MEOX2: variants seen among roughly 807,000 people sequenced by gnomAD.
MEOX2 encodes homeobox protein MOX-2.
In MEOX2, 11 loss-of-function variants were observed where a neutral mutation model predicts 27.0. The observed-to-expected ratio is 0.41, with a 90% CI of 0.26 to 0.68. The LOEUF (loss-of-function observed/expected upper bound fraction) is 0.68, where lower values mean the gene tolerates loss of function less well. Among genes scored for constraint, MEOX2 ranks in the 30% least tolerant of loss-of-function variants. MEOX2 has a pLI of 0.33. For missense variants in MEOX2, 436 were observed against 385.4 expected (o/e 1.13, Z -1.10); for synonymous variants, 189 against 155.4 (o/e 1.22, Z -1.61).
At chr7:15,645,740 T>C (rs1457584835) in intron 1 of MEOX2, among the ~76,000 whole-genome samples, 1 of 152,128 alleles carries the variant, frequency 6.6e-6, no homozygotes, top group Non-Finnish European at 1.5e-5. Context: ...ACAATGAAAG[T>C]AAAATATGCA....
chr7:15,615,152 AG>A (rs1781102458), intron 2 of MEOX2, among the ~76,000 whole-genome samples: 1 of 146,054 alleles, frequency 6.8e-6, no homozygotes, highest in Non-Finnish European at 1.5e-5. Flanking sequence ...ATACCTATGT[AG>A]GGATAGACAG....
At chr7:15,672,101 C>CA (rs68131578) in intron 1 of MEOX2, among the ~76,000 whole-genome samples, 1,515 of 148,386 alleles carry the variant, frequency 0.01, 12 homozygotes, top group East Asian at 0.017. Flanking sequence ...TAAAAAAAAA[C>CA]AAAAAAAACA....
At chr7:15,663,556 G>T (rs1028957728) in intron 1 of MEOX2, among the ~76,000 whole-genome samples, 2 of 151,842 alleles carry the variant, frequency 1.3e-5, no homozygotes, top group East Asian at 1.9e-4. Context: ...GGTCAGGCTG[G>T]TCTCGAACTC....
At chr7:15,646,347 C>A (rs1487338162) in intron 1 of MEOX2, among the ~76,000 whole-genome samples, 1 of 152,034 alleles carries the variant, frequency 6.6e-6, no homozygotes, top group African/African-American at 2.4e-5. Context: ...TCCCAAACCT[C>A]AGTTGAAATG....
intron 1 of MEOX2, chr7:15,680,347 TA>T (rs1782273302): frequency 1.3e-5 from 2 of 151,980 alleles, no homozygotes; most frequent in African/African-American, 4.8e-5. Flanking sequence ...ATAATGTAAG[TA>T]AAACGGGAAG....
intron 1 of MEOX2, among the ~76,000 whole-genome samples, chr7:15,631,927 TGTGTGG>T (rs1403725005): frequency 2.6e-5 from 4 of 151,258 alleles, no homozygotes; most frequent in African/African-American, 9.7e-5. Context: ...TGTGTGTGTG[TGTGTGG>T]AGAGAAAGAG....
chr7:15,626,646 T>C, intron 2 of MEOX2, 100 bp downstream of exon 2: 1 of 791,458 alleles, frequency 1.3e-6, no homozygotes, highest in East Asian at 2.5e-5. Flanking sequence ...TTCCAAATGG[T>C]ATTCAAGAAT....
At chr7:15,629,898 T>C (rs1781375031) in intron 1 of MEOX2, among the ~76,000 whole-genome samples, 1 of 152,024 alleles carries the variant, frequency 6.6e-6, no homozygotes, top group South Asian at 2.1e-4. Context: ...TTGACAATTT[T>C]TGCATCAGTT....
chr7:15,658,269 G>A (rs1781854710), intron 1 of MEOX2, among the ~76,000 whole-genome samples: 1 of 152,124 alleles, frequency 6.6e-6, no homozygotes, highest in Non-Finnish European at 1.5e-5. Context: ...GAAGATTGGG[G>A]TTCTCATTAA....
intron 1 of MEOX2, among the ~76,000 whole-genome samples, chr7:15,674,638 T>C (rs949967497): frequency 3.3e-5 from 5 of 152,032 alleles, no homozygotes; most frequent in Admixed American, 1.3e-4. Context: ...AGTTATGGAA[T>C]AATTAACTGT....
intron 2 of MEOX2, among the ~76,000 whole-genome samples, chr7:15,625,702 A>G (rs1484283247): frequency 4.6e-5 from 7 of 152,142 alleles, no homozygotes; most frequent in Admixed American, 4.6e-4. Context: ...AGATGTTTGC[A>G]TTTGCCTTTC....
intron 1 of MEOX2, among the ~76,000 whole-genome samples, chr7:15,683,469 T>C (rs2115399414): frequency 6.6e-6 from 1 of 152,232 alleles, no homozygotes; most frequent in African/African-American, 2.4e-5. Flanking sequence ...TAAAATGTGC[T>C]ATAAGCAATG....
At chr7:15,634,930 C>T (rs1043176396) in intron 1 of MEOX2, among the ~76,000 whole-genome samples, 14 of 151,918 alleles carry the variant, frequency 9.2e-5, no homozygotes, top group Admixed American at 7.9e-4. Flanking sequence ...TACCATGTTC[C>T]TAAGCCATCC....
At chr7:15,647,910 C>G (rs1198674689) in intron 1 of MEOX2, among the ~76,000 whole-genome samples, 1 of 151,934 alleles carries the variant, frequency 6.6e-6, no homozygotes, top group Non-Finnish European at 1.5e-5. Context: ...TTTTAAACTT[C>G]TCAATTTACA....
chr7:15,677,954 C>G (rs1462745314), intron 1 of MEOX2, among the ~76,000 whole-genome samples: 1 of 152,168 alleles, frequency 6.6e-6, no homozygotes, highest in Admixed American at 6.5e-5. Context: ...TTATACAGCT[C>G]TACTTCCAGG....
chr7:15,632,576 A>C (rs965830794), intron 1 of MEOX2, among the ~76,000 whole-genome samples: 1 of 151,944 alleles, frequency 6.6e-6, no homozygotes, highest in African/African-American at 2.4e-5. Flanking sequence ...ATTTTAACAA[A>C]ATTAACAAAA....
chr7:15,684,081 C>A (rs1782337695), intron 1 of MEOX2, among the ~76,000 whole-genome samples: 1 of 151,990 alleles, frequency 6.6e-6, no homozygotes, highest in African/African-American at 2.4e-5. Flanking sequence ...CAGTTTTCCC[C>A]AAACAAAATA....
At chr7:15,668,948 A>G (rs548012804) in intron 1 of MEOX2, among the ~76,000 whole-genome samples, 156 of 152,284 alleles carry the variant, frequency 1.0e-3, no homozygotes, top group African/African-American at 3.6e-3. Context: ...TATTTCTTCT[A>G]AGTGGTTTCT....
In MEOX2 at chr7:15,632,531, T is replaced by C. The variant is rs1163943368; in HGVS notation, c.518-5613A>G. ...GAACTAAAAATGGTGATGAAATTAATGTCATGATTAATGTGCAATTCGAAA... is the reference window on the plus strand; with the variant it reads ...GAACTAAAAATGGTGATGAAATTAACGTCATGATTAATGTGCAATTCGAAA... On this transcript the variant is annotated intron_variant, in intron 1 of 2. Coordinates refer to ENST00000262041, the MANE Select transcript of MEOX2 (RefSeq NM_005924.5). 2.0e-5 allele frequency among the ~76,000 whole-genome samples: 3 copies of C among 151,998 alleles called. No individual in the cohort carries two copies. The South Asian group carries it at 6.2e-4, about 32-fold the overall frequency.
Sources: allele counts gnomAD v4.1 joint callset (sites outside exome capture counted in the v4.1 genomes callset), GRCh38; gene constraint gnomAD v4.1.1; transcripts MANE v1.5; gene names NCBI Gene and HGNC (gene_info 2026-07-23, HGNC 2026-07-21).